SMYD1: variants seen among roughly 807,000 people sequenced by gnomAD.
SMYD1 encodes the protein histone-lysine N-methyltransferase SMYD1.
Under a neutral mutation model 54.0 loss-of-function variants are expected in SMYD1, and 49 were observed. The ratio of observed to expected loss-of-function variants is 0.91; its 90% CI spans 0.72 to 1.15. The LOEUF (loss-of-function observed/expected upper bound fraction) is 1.15. Ranked by LOEUF, SMYD1 falls within the 50% of genes most tolerant of loss-of-function variation. SMYD1 has a pLI of 0.00. For synonymous variants in SMYD1, 269 were observed against 234.2 expected (o/e 1.15, Z -1.36); for missense variants, 653 against 639.6 (o/e 1.02, Z -0.23).
rs952088919 is a variant in SMYD1, at chr2:88,112,836, C to G, written c.*2324C>G. The G allele has an allele frequency of 2.0e-5, 3 of 152,346 alleles. No homozygotes were observed. The highest frequency in any genetic ancestry group is 4.4e-5 in the Non-Finnish European group (3 of 68,178). The allele number at this position is 152,346 out of a possible 1,614,324, so 9.4% of individuals were successfully genotyped here. A position where few individuals can be genotyped will look rare whatever the true frequency, so the allele number is the denominator to read the frequency against. On this transcript the variant is annotated 3_prime_UTR_variant, in exon 10 of 10. Transcript: ENST00000419482. ...TCCTTCGCTGGTCCTTTTTCTTTCCCTGCCCCTGACATATTGACATTTCCT... is the reference window on the plus strand; with the variant it reads ...TCCTTCGCTGGTCCTTTTTCTTTCCGTGCCCCTGACATATTGACATTTCCT...
At chr2:88,103,443 C>A (rs923466460) in intron 7 of SMYD1, among the ~76,000 whole-genome samples, 9 of 152,086 alleles carry the variant, frequency 5.9e-5, no homozygotes, top group Non-Finnish European at 1.2e-4. Flanking sequence ...AACCTGGTAT[C>A]GGAGATGGGG....
chr2:88,096,846 G>A, intron 6 of SMYD1, 62 bp downstream of exon 6: 1 of 1,529,846 alleles, frequency 6.5e-7, no homozygotes, highest in Non-Finnish European at 8.9e-7. Flanking sequence ...AGTCACAGGT[G>A]GTTTCACAGC....
At position 88,110,918 on chromosome 2, in the gene SMYD1, A is replaced by G. The variant is rs1365722171; in HGVS notation, c.*406A>G. 6.1e-6 allele frequency: 1 copy of G among 162,886 alleles called. No individual in the cohort carries two copies. Among genetic ancestry groups the G allele is most frequent in the African/African-American group, 2.4e-5 (1 of 41,608 alleles). 10.1% of individuals were successfully genotyped at this position (162,886 alleles called of 1,614,324 possible). On this transcript the variant is annotated 3_prime_UTR_variant, in exon 10 of 10. Coordinates refer to ENST00000419482, the MANE Select transcript of SMYD1 (RefSeq NM_198274.4). ...TGATGTGTGTGTGTGCAGTGGGGGT[A>G]TCACAGAGAGTATGACATCTGAGTT...
chr2:88,095,549 C>A (rs1283287195), intron 5 of SMYD1, among the ~76,000 whole-genome samples: 2 of 152,158 alleles, frequency 1.3e-5, no homozygotes, highest in Non-Finnish European at 1.5e-5. Context: ...TGCTGTCCAA[C>A]TGAGCCTTTC....
intron 9 of SMYD1, among the ~76,000 whole-genome samples, 154 bp from the exon 10 acceptor site, chr2:88,110,200 A>AGAGTGAGTGTGT (rs139694354): frequency 7.2e-6 from 1 of 138,988 alleles, no homozygotes; most frequent in African/African-American, 2.8e-5. Context: ...TTGATGAATG[A>AGAGTGAGTGTGT]GTGTGTGTGT....
Position 88,096,605 on chromosome 2 carries a change from C to T in SMYD1, c.709C>T (p.Arg237Trp), listed in dbSNP as rs769248572. Reference protein sequence around the residue: ...MFHTQMRIELRALGKISEGEE... With the variant: ...MFHTQMRIELWALGKISEGEE... ...TTCACCCTGCTTCAGAATTGAGCTC[C>T]GGGCCCTAGGCAAGATCTCAGAAGG... is the stretch of plus-strand genomic sequence containing the variant. The change falls in exon 6 of 10, where the codon CGG (arginine) becomes TGG (tryptophan). Residue 237 changes from arginine (R) to tryptophan (W), a missense_variant. By Grantham distance (101) the Arg-to-Trp change is moderately radical (BLOSUM62 -3). Transcript: ENST00000419482. The T allele has an allele frequency of 4.9e-5, 79 of 1,611,312 alleles. No individual in the cohort carries two copies. Among genetic ancestry groups the T allele is most frequent in the Admixed American group, 1.5e-4 (9 of 59,646 alleles).
intron 1 of SMYD1, among the ~76,000 whole-genome samples, chr2:88,077,581 G>A (rs1333909829): frequency 6.6e-6 from 1 of 152,134 alleles, no homozygotes; most frequent in Non-Finnish European, 1.5e-5. Context: ...CGGGAGAAAC[G>A]AGACTTGCTG....
At chr2:88,092,350 G>T (rs766570210) in intron 4 of SMYD1, among the ~76,000 whole-genome samples, 2 of 152,150 alleles carry the variant, frequency 1.3e-5, no homozygotes, top group Non-Finnish European at 2.9e-5. Flanking sequence ...GCTCCTGGTG[G>T]TCCATGGCTC....
chr2:88,101,674 C>T (rs570351282), intron 6 of SMYD1, among the ~76,000 whole-genome samples: 48 of 151,666 alleles, frequency 3.2e-4, no homozygotes, highest in African/African-American at 9.7e-4. Context: ...GGTGTGATCT[C>T]GGCTCACTGC....
rs1675050683 is a variant in SMYD1, at chr2:88,112,479, A to G, written c.*1967A>G. ...TTGCTCCATCTATTATTGCTTCTCC[A>G]TCCTGGATCCTTGACATTTGTCACC... is the stretch of plus-strand genomic sequence containing the variant. On this transcript the variant is annotated 3_prime_UTR_variant, in exon 10 of 10. Transcript: ENST00000419482. 2 of 281,090 alleles carry G rather than the reference A, an allele frequency of 7.1e-6. No individual in the cohort carries two copies. Among genetic ancestry groups the G allele is most frequent in the Admixed American group, 9.3e-5 (2 of 21,400 alleles). The allele number at this position is 281,090 out of a possible 1,614,324, so 17.4% of individuals were successfully genotyped here.
chr2:88,110,258 C>A (rs1486375002), intron 9 of SMYD1, 96 bp from the exon 10 acceptor site: 2 of 1,330,570 alleles, frequency 1.5e-6, no homozygotes, highest in African/African-American at 1.5e-5. Context: ...AGAGTTGAAT[C>A]TCCGTGGCTG....
intron 8 of SMYD1, 64 bp from the exon 9 acceptor site, chr2:88,108,306 AT>A: frequency 7.0e-7 from 1 of 1,431,160 alleles, no homozygotes; most frequent in South Asian, 1.6e-5. Context: ...TTTATACATT[AT>A]TAAATTAAGT....
rs1209038543 is a variant in SMYD1, at chr2:88,096,753, A to T, written c.857A>T (p.Asp286Val). Reference sequence around the variant, plus strand: ...CACTGCCAGAAAAAACTGAAGGATGACCTCTTCCTGGGGGTGAAAGACAAC... The same window carrying T: ...CACTGCCAGAAAAAACTGAAGGATGTCCTCTTCCTGGGGGTGAAAGACAAC... ...CEHCQKKLKD[D>V]LFLGVKDNPK... Residue 286 changes from aspartate to valine, a missense_variant, in exon 6 of 10, where the codon GAC becomes GTC. Asp to Val is a radical substitution (Grantham distance 152, BLOSUM62 -3). Transcript: ENST00000419482. The T allele has an allele frequency of 1.9e-6, 3 of 1,613,744 alleles. No individual in the cohort carries two copies. In the South Asian group the frequency reaches 3.3e-5, roughly 18 times the overall value.
chr2:88,076,070 C>T (rs1039281668), intron 1 of SMYD1, among the ~76,000 whole-genome samples: 4 of 152,100 alleles, frequency 2.6e-5, no homozygotes, highest in African/African-American at 7.2e-5. Flanking sequence ...TCTAGATTGC[C>T]TCTCCTACCT....
At position 88,110,702 on chromosome 2, in the gene SMYD1, T is replaced by C; in HGVS notation, c.*190T>C. 1 of 612,294 alleles carries C rather than the reference T, an allele frequency of 1.6e-6. No homozygotes were observed. Among genetic ancestry groups the C allele is most frequent in the South Asian group, 2.8e-5 (1 of 35,482 alleles). 37.9% of individuals were successfully genotyped at this position (612,294 alleles called of 1,614,324 possible). On this transcript the variant is annotated 3_prime_UTR_variant, in exon 10 of 10. Coordinates refer to ENST00000419482, the MANE Select transcript of SMYD1 (RefSeq NM_198274.4). The stretch of plus-strand genomic sequence containing the variant: ...TCAAGTCTATTCAATTCAAGTTAAC[T>C]CTAGCCCAGCCCAGATCAACTCCTC...
At chr2:88,090,986 A>G in intron 3 of SMYD1, 26 bp from the exon 4 acceptor site, 1 of 1,602,770 alleles carries the variant, frequency 6.2e-7, no homozygotes, top group Non-Finnish European at 8.5e-7. Flanking sequence ...CTGTCGACTG[A>G]CTCTTTCATC....
rs902806265 is a variant in SMYD1 at position 88,111,965 on chromosome 2, C to T, written c.*1453C>T. ...ATCTCTGCCTAAATGTTAGCTTCTCCATCCTCACCACATGATGACCTGCTG... is the reference window on the plus strand; with the variant it reads ...ATCTCTGCCTAAATGTTAGCTTCTCTATCCTCACCACATGATGACCTGCTG... On this transcript the variant is annotated 3_prime_UTR_variant, in exon 10 of 10. Transcript: ENST00000419482. The T allele has an allele frequency of 4.4e-6, 3 of 676,070 alleles. No individual in the cohort carries two copies. Among genetic ancestry groups the T allele is most frequent in the Non-Finnish European group, 8.1e-6 (3 of 370,140 alleles). The allele number at this position is 676,070 out of a possible 1,614,324, so 41.9% of individuals were successfully genotyped here.
chr2:88,087,743 T>C (rs1674365535), intron 2 of SMYD1, 119 bp from the exon 3 acceptor site: 1 of 849,120 alleles, frequency 1.2e-6, no homozygotes, highest in African/African-American at 1.7e-5. Context: ...TCCATCCATC[T>C]AGTTTAAAAA....
intron 4 of SMYD1, among the ~76,000 whole-genome samples, chr2:88,091,698 A>G (rs777518429): frequency 2.0e-5 from 3 of 152,062 alleles, no homozygotes; most frequent in Non-Finnish European, 2.9e-5. Context: ...AAATAAATAA[A>G]TACATAAATA....
Sources: gnomAD v4.1 joint callset for allele counts (sites outside exome capture counted in the v4.1 genomes callset) on GRCh38, gnomAD v4.1.1 for gene constraint, MANE v1.5 for transcripts, NCBI Gene and HGNC (gene_info 2026-07-23, HGNC 2026-07-21) for gene names.